The following LRP1B variants were observed in gnomAD, a reference collection of about 807,000 sequenced individuals.
LRP1B encodes LDL receptor related protein 1B.
LRP1B carries 217 observed loss-of-function variants against 556.6 expected under a neutral mutation model. The ratio of observed to expected loss-of-function variants is 0.39; its 90% CI spans 0.35 to 0.44. LRP1B has a LOEUF of 0.44. LRP1B is among the 20% of genes least tolerant of loss of function. The pLI, the probability that LRP1B is intolerant of heterozygous loss-of-function variation, is 1.00. For synonymous variants in LRP1B, 2,047 were observed against 1,865.8 expected (o/e 1.10, Z -2.50); for missense variants, 5,053 against 5,620.8 (o/e 0.90, Z 3.23).
At chr2:141,648,246 C>T (rs1255828949) in intron 2 of LRP1B, among the ~76,000 whole-genome samples, 1 of 152,208 alleles carries the variant, frequency 6.6e-6, no homozygotes, top group African/African-American at 2.4e-5. Flanking sequence ...ATTAATTAAG[C>T]TAACAACATT....
At chr2:141,386,839 G>C (rs375672385) in intron 3 of LRP1B, among the ~76,000 whole-genome samples, 3 of 151,920 alleles carry the variant, frequency 2.0e-5, no homozygotes, top group African/African-American at 7.2e-5. Context: ...AAGAAAATCA[G>C]GGACTGGATA....
chr2:140,989,729 A>G, intron 16 of LRP1B, 72 bp from the exon 17 acceptor site: 1 of 1,471,844 alleles, frequency 6.8e-7, no homozygotes, highest in Non-Finnish European at 9.4e-7. Flanking sequence ...AATGATAGTT[A>G]CAGAAAAGTT....
intron 41 of LRP1B, among the ~76,000 whole-genome samples, chr2:140,660,435 T>C (rs905046014): frequency 2.6e-5 from 4 of 152,190 alleles, no homozygotes; most frequent in African/African-American, 9.6e-5. Context: ...ATTTTCTATG[T>C]ACCTGTCTTT....
At position 140,928,687 on chromosome 2, in the gene LRP1B, T is replaced by C. The variant is rs181297007; in HGVS notation, c.3137-5540A>G. On this transcript the variant is annotated intron_variant, in intron 20 of 90. Transcript: ENST00000389484. ...AAAGAGAATAACTAGAAATACATTGTCAATATCATTGATGACTGCCATCAG... is the reference window on the plus strand; with the variant it reads ...AAAGAGAATAACTAGAAATACATTGCCAATATCATTGATGACTGCCATCAG... Among the ~76,000 whole-genome samples the C allele has an allele frequency of 1.2e-3, 177 of 152,190 alleles. 1 individual carries two copies. Among genetic ancestry groups the C allele is most frequent in the African/African-American group, 3.8e-3 (159 of 41,536 alleles).
At chr2:141,574,871 T>C (rs1003037761) in intron 2 of LRP1B, among the ~76,000 whole-genome samples, 5 of 151,918 alleles carry the variant, frequency 3.3e-5, no homozygotes, top group African/African-American at 9.7e-5. Context: ...ACAAAGAGAA[T>C]AGAATACCTA....
intron 2 of LRP1B, among the ~76,000 whole-genome samples, chr2:141,767,471 T>C (rs887323319): frequency 6.6e-5 from 10 of 152,176 alleles, no homozygotes; most frequent in African/African-American, 2.2e-4. Context: ...TGAATTCATA[T>C]TTTTATCTTC....
intron 43 of LRP1B, among the ~76,000 whole-genome samples, chr2:140,587,807 G>A (rs1334780452): frequency 6.6e-6 from 1 of 151,274 alleles, no homozygotes; most frequent in African/African-American, 2.5e-5. Context: ...ATAAACTTCT[G>A]AAAACTAGAG....
At chr2:140,841,252 T>A (rs922352297) in intron 29 of LRP1B, among the ~76,000 whole-genome samples, 160 bp from the exon 30 acceptor site, 1 of 152,198 alleles carries the variant, frequency 6.6e-6, no homozygotes, top group Non-Finnish European at 1.5e-5. Flanking sequence ...TCAGCCCTTC[T>A]TAAGGCATGA....
At chr2:141,750,836 T>C (rs1460462594) in intron 2 of LRP1B, among the ~76,000 whole-genome samples, 1 of 152,050 alleles carries the variant, frequency 6.6e-6, no homozygotes, top group Non-Finnish European at 1.5e-5. Context: ...AAAGATTCAT[T>C]AGAAAGACAG....
chr2:141,522,074 G>A (rs553516021), intron 2 of LRP1B, among the ~76,000 whole-genome samples: 1 of 152,156 alleles, frequency 6.6e-6, no homozygotes, highest in South Asian at 2.1e-4. Flanking sequence ...TAAATCAGAG[G>A]TCCACAAAGT....
rs1213734907 is a variant in LRP1B, at chr2:141,622,907, T to TC, written c.206-142375dup. On this transcript the variant is annotated intron_variant, in intron 2 of 90. Coordinates refer to ENST00000389484, the MANE Select transcript of LRP1B (RefSeq NM_018557.3). The stretch of plus-strand genomic sequence containing the variant: ...TTTTTTGGATGCTTTGCCAAATTCC[T>TC]CCCCCAACCCCTGCCACCTTTAAAA... Among the ~76,000 whole-genome samples the TC allele has an allele frequency of 2.6e-5, 4 of 152,232 alleles. No individual in the cohort carries two copies. The East Asian group carries it at 5.8e-4, about 22-fold the overall frequency.
chr2:140,885,898 C>T (rs1430600466), intron 24 of LRP1B, among the ~76,000 whole-genome samples: 1 of 149,888 alleles, frequency 6.7e-6, no homozygotes, highest in African/African-American at 2.5e-5. Context: ...CATTTCTTTG[C>T]CATCAGTCCA....
At chr2:141,605,930 T>A (rs1362428952) in intron 2 of LRP1B, among the ~76,000 whole-genome samples, 1 of 148,966 alleles carries the variant, frequency 6.7e-6, no homozygotes, top group East Asian at 2.0e-4. Context: ...AAAGTCCAAT[T>A]AAGTATGATA....
chr2:140,994,189 T>C, intron 15 of LRP1B, 54 bp from the exon 16 acceptor site: 1 of 1,491,314 alleles, frequency 6.7e-7, no homozygotes, highest in South Asian at 1.2e-5. Context: ...AGTCAGTCCA[T>C]TAAAATTTAA....
chr2:140,369,154 G>A (rs930054010), intron 71 of LRP1B, among the ~76,000 whole-genome samples: 2 of 151,782 alleles, frequency 1.3e-5, no homozygotes, highest in African/African-American at 2.4e-5. Flanking sequence ...AGGATAAAAT[G>A]GGGTCATTTT....
At chr2:141,939,982 A>G (rs767507557) in intron 1 of LRP1B, among the ~76,000 whole-genome samples, 26 of 151,956 alleles carry the variant, frequency 1.7e-4, no homozygotes, top group Non-Finnish European at 3.4e-4. Context: ...TTTGTGGAAT[A>G]AAAACCTAAA....
chr2:140,685,505 G>A (rs72981806), intron 41 of LRP1B, among the ~76,000 whole-genome samples: 7,010 of 152,190 alleles, frequency 0.046, 236 homozygotes, highest in African/African-American at 0.089. Context: ...AACAGGAGAA[G>A]ACAGGCTGGG....
intron 7 of LRP1B, among the ~76,000 whole-genome samples, chr2:141,096,636 GAGAGAGA>G (rs1558858210): frequency 1.5e-4 from 9 of 58,686 alleles, no homozygotes; most frequent in African/African-American, 5.5e-4. Flanking sequence ...GGGGGAGAGA[GAGAGAGA>G]GAGAGAGAGA....
chr2:140,931,067 C>G (rs1331291713), intron 20 of LRP1B, among the ~76,000 whole-genome samples: 1 of 152,080 alleles, frequency 6.6e-6, no homozygotes, highest in Non-Finnish European at 1.5e-5. Flanking sequence ...TTTGGGCTAA[C>G]TGGTTTGTGT....
Sources: allele counts gnomAD v4.1 joint callset (sites outside exome capture counted in the v4.1 genomes callset), GRCh38; gene constraint gnomAD v4.1.1; transcripts MANE v1.5; gene names NCBI Gene and HGNC (gene_info 2026-07-23, HGNC 2026-07-21).